FNBP1: variants seen among roughly 807,000 people sequenced by gnomAD.
FNBP1 encodes formin-binding protein 1.
FNBP1 carries 26 observed loss-of-function variants against 90.6 expected under a neutral mutation model. The ratio of observed to expected loss-of-function variants is 0.29; its 90% CI spans 0.21 to 0.40. FNBP1 has a LOEUF of 0.40. Among genes scored for constraint, FNBP1 ranks in the 10% least tolerant of loss-of-function variants. The probability of loss-of-function intolerance (pLI) is 1.00; values close to 1 mark genes in which losing one functional copy is unlikely to be tolerated. For synonymous variants in FNBP1, 260 were observed against 265.2 expected, an observed-to-expected ratio of 0.98 and a Z score of 0.19; for missense variants, 635 against 768.0, an observed-to-expected ratio of 0.83 and a Z score of 2.05.
intron 1 of FNBP1, among the ~76,000 whole-genome samples, chr9:130,027,002 T>C (rs1289771943): frequency 2.0e-5 from 3 of 151,806 alleles, no homozygotes; most frequent in Non-Finnish European, 4.4e-5. Context: ...TTTTGTTTTA[T>C]ATTCCTCAAA....
At chr9:129,989,856 G>C (rs2052850741) in intron 2 of FNBP1, among the ~76,000 whole-genome samples, 1 of 152,126 alleles carries the variant, frequency 6.6e-6, no homozygotes, top group Non-Finnish European at 1.5e-5. Flanking sequence ...TGGGCAACAT[G>C]GTGAAATTCT....
intron 1 of FNBP1, among the ~76,000 whole-genome samples, chr9:130,028,803 T>C (rs914887547): frequency 6.6e-6 from 1 of 152,190 alleles, no homozygotes; most frequent in Non-Finnish European, 1.5e-5. Flanking sequence ...GAGCTTAGCA[T>C]TTTACCAACT....
chr9:129,930,526 A>G (rs1042292138), intron 6 of FNBP1, among the ~76,000 whole-genome samples: 2 of 152,182 alleles, frequency 1.3e-5, no homozygotes, highest in Non-Finnish European at 2.9e-5. Flanking sequence ...TATGCTTTTT[A>G]TGTTTTTTGA....
At chr9:129,940,162 C>T (rs1487641166) in intron 6 of FNBP1, among the ~76,000 whole-genome samples, 1 of 152,170 alleles carries the variant, frequency 6.6e-6, no homozygotes, top group Non-Finnish European at 1.5e-5. Context: ...GATTGTCCCA[C>T]TGTACTTCAG....
At chr9:129,926,546 C>T (rs1161640211) in intron 8 of FNBP1, among the ~76,000 whole-genome samples, 1 of 151,964 alleles carries the variant, frequency 6.6e-6, no homozygotes, top group Non-Finnish European at 1.5e-5. Context: ...GAAATGCCCC[C>T]AACAAGAAAA....
At chr9:130,050,339 A>G in the FNBP1 span, among the ~76,000 whole-genome samples, 1 of 152,180 alleles carries the variant, frequency 6.6e-6, no homozygotes, top group Non-Finnish European at 1.5e-5. Flanking sequence ...CCTGTGGCTG[A>G]GCAAGTTATA....
intron 4 of FNBP1, among the ~76,000 whole-genome samples, chr9:129,970,395 G>A (rs999607473): frequency 1.3e-4 from 20 of 151,656 alleles, no homozygotes; most frequent in Admixed American, 6.6e-4. Context: ...TAGTGGAGAC[G>A]GGGTTTCACC....
chr9:129,955,202 A>C (rs2046741279), intron 6 of FNBP1, among the ~76,000 whole-genome samples: 1 of 152,036 alleles, frequency 6.6e-6, no homozygotes, highest in African/African-American at 2.4e-5. Flanking sequence ...ATCTCTACAG[A>C]AAAAAACAGA....
intron 11 of FNBP1, 97 bp downstream of exon 11, chr9:129,915,864 CAAGTT>C: frequency 1.2e-6 from 1 of 820,134 alleles, no homozygotes. Flanking sequence ...AAACACAAAC[CAAGTT>C]AACTTTGAAG....
chr9:130,053,718 T>C, the FNBP1 span: 1 of 579,162 alleles, frequency 1.7e-6, no homozygotes, highest in Non-Finnish European at 3.1e-6. Context: ...GCTTCATCTC[T>C]AACTGAAAGT....
chr9:129,926,747 C>T lies in FNBP1; in HGVS notation c.789+448G>A, dbSNP rs1408378600. On this transcript the variant is annotated intron_variant, in intron 8 of 16. Transcript: ENST00000446176. ...GCTAAAAATACAGAAATTAGCTGGGCGTGGTGCGGGCGCCTGTAGTCCCAG... is the reference window on the plus strand; with the variant it reads ...GCTAAAAATACAGAAATTAGCTGGGTGTGGTGCGGGCGCCTGTAGTCCCAG... Among the ~76,000 whole-genome samples, 4 of 37,282 alleles carry T rather than the reference C, an allele frequency of 1.1e-4. No individual in the cohort carries two copies. In the South Asian group the frequency reaches 2.2e-3, roughly 21 times the overall value. 24.5% of individuals were successfully genotyped at this position (37,282 alleles called of 152,430 possible).
chr9:129,903,139 C>T, intron 12 of FNBP1, 138 bp from the exon 13 acceptor site: 2 of 789,224 alleles, frequency 2.5e-6, no homozygotes, highest in East Asian at 2.8e-5. Flanking sequence ...GCAACCTTCA[C>T]CTCCAGGGTT....
At chr9:129,972,833 C>T (rs1391671210) in intron 4 of FNBP1, among the ~76,000 whole-genome samples, 4 of 152,244 alleles carry the variant, frequency 2.6e-5, no homozygotes, top group East Asian at 1.9e-4. Flanking sequence ...TGTAACAAGC[C>T]CTGATCGAGA....
intron 1 of FNBP1, among the ~76,000 whole-genome samples, chr9:130,015,018 A>ATTTTT (rs2057081199): frequency 6.6e-6 from 1 of 152,124 alleles, no homozygotes; most frequent in African/African-American, 2.4e-5. Flanking sequence ...AAAGGCCAAA[A>ATTTTT]ATATTTTTCA....
At chr9:129,963,616 C>T (rs1162836769) in intron 4 of FNBP1, among the ~76,000 whole-genome samples, 5 of 115,306 alleles carry the variant, frequency 4.3e-5, no homozygotes, top group East Asian at 2.6e-4. Flanking sequence ...TCCTTCCAGC[C>T]TTTTTTTTTT....
intron 6 of FNBP1, among the ~76,000 whole-genome samples, chr9:129,949,336 TG>T (rs1420287641): frequency 1.3e-5 from 2 of 152,176 alleles, no homozygotes; most frequent in Non-Finnish European, 2.9e-5. Context: ...CTAAGGAACA[TG>T]GCATCCTCAT....
intron 4 of FNBP1, among the ~76,000 whole-genome samples, chr9:129,975,530 A>C (rs530645420): frequency 6.6e-6 from 1 of 152,324 alleles, no homozygotes; most frequent in South Asian, 2.1e-4. Context: ...TAAATCCGAA[A>C]TACAGATATG....
chr9:129,967,447 G>T (rs370428378), intron 4 of FNBP1, among the ~76,000 whole-genome samples: 1 of 152,114 alleles, frequency 6.6e-6, no homozygotes, highest in African/African-American at 2.4e-5. Context: ...ACCGGGAGGC[G>T]GAACTTGCAG....
At chr9:129,979,412 A>C (rs747998008) in intron 2 of FNBP1, 38 bp from the exon 3 acceptor site, 1 of 1,387,650 alleles carries the variant, frequency 7.2e-7, no homozygotes, top group Non-Finnish European at 1.0e-6. Context: ...TTTATATAGA[A>C]AGAGAATTAA....
Sources: allele counts gnomAD v4.1 joint callset (sites outside exome capture counted in the v4.1 genomes callset), GRCh38; gene constraint gnomAD v4.1.1; transcripts MANE v1.5; gene names NCBI Gene and HGNC (gene_info 2026-07-23, HGNC 2026-07-21).